Variants in DOCK1 observed in about 807,000 individuals in gnomAD.
DOCK1 encodes the protein dedicator of cytokinesis protein 1.
DOCK1 carries 138 observed loss-of-function variants against 262.7 expected under a neutral mutation model. The ratio of observed to expected loss-of-function variants is 0.53; its 90% CI spans 0.46 to 0.61. The LOEUF is 0.61. DOCK1 is among the 20% of genes least tolerant of loss of function. The pLI is 0.00. For missense variants in DOCK1, 1,908 were observed against 2,370.7 expected (o/e 0.80, Z 4.05); for synonymous variants, 866 against 867.4 (o/e 1.00, Z 0.03).
intron 1 of DOCK1, among the ~76,000 whole-genome samples, chr10:126,965,017 C>G (rs1376383156): frequency 6.6e-6 from 1 of 152,166 alleles, no homozygotes; most frequent in Non-Finnish European, 1.5e-5. Flanking sequence ...ATGGTTTTAG[C>G]TACTGTGGGA....
chr10:127,150,053 G>A (rs1446306201), intron 27 of DOCK1, among the ~76,000 whole-genome samples: 1 of 152,194 alleles, frequency 6.6e-6, no homozygotes, highest in East Asian at 1.9e-4. Flanking sequence ...TTGGCTGTAA[G>A]TTTGCATGGG....
intron 31 of DOCK1, among the ~76,000 whole-genome samples, chr10:127,347,832 G>GCCCTCCCTTCCCTTCCCTTCCCTTC (rs2063704528): frequency 1.7e-5 from 1 of 57,524 alleles, no homozygotes; most frequent in Non-Finnish European, 3.2e-5. Flanking sequence ...CAACCCCTCA[G>GCCCTCCCTTCCCTTCCCTTCCCTTC]CCTTCCCTTC....
intron 23 of DOCK1, among the ~76,000 whole-genome samples, chr10:127,086,345 C>T (rs1324132706): frequency 6.6e-6 from 1 of 152,012 alleles, no homozygotes; most frequent in Non-Finnish European, 1.5e-5. Context: ...GTAACCTTCT[C>T]TTTGAGTCCT....
chr10:127,041,408 C>T (rs1472100332), intron 19 of DOCK1, among the ~76,000 whole-genome samples: 1 of 152,156 alleles, frequency 6.6e-6, no homozygotes, highest in Non-Finnish European at 1.5e-5. Context: ...TGCTTTTATG[C>T]CTTTTTATGG....
chr10:127,127,687 G>A lies in DOCK1; in HGVS notation c.2770G>A (p.Val924Ile), dbSNP rs201486952. 418 of 1,612,516 alleles carry A rather than the reference G, an allele frequency of 2.6e-4. 2 individuals carry two copies. The Admixed American group carries it at 5.4e-3, about 21-fold the overall frequency. Reference protein sequence around the residue: ...RKDVGPTQRHVQIIMEKLLRT... With the variant: ...RKDVGPTQRHIQIIMEKLLRT... The stretch of plus-strand genomic sequence containing the variant: ...TCCCCAGGGGCCAACCCAGAGGCAC[G>A]TCCAGATTATCATGGAGAAACTTCT... Residue 924 changes from valine to isoleucine, a missense_variant, in exon 27 of 52, where the codon GTC becomes ATC. Around this residue, in one of 9 missense-constraint regions of DOCK1, gnomAD observed 518 missense variants for 575.1 expected, o/e 0.90. Transcript: ENST00000623213.
chr10:127,027,421 C>T (rs539525742), intron 16 of DOCK1, among the ~76,000 whole-genome samples: 2 of 152,178 alleles, frequency 1.3e-5, no homozygotes, highest in East Asian at 1.9e-4. Flanking sequence ...CAGTGAGACC[C>T]GATCTTTACT....
At position 127,081,259 on chromosome 10, in the gene DOCK1, TC is replaced by T. The variant is rs2046883871; in HGVS notation, c.2445+19484del. Among the ~76,000 whole-genome samples the T allele has an allele frequency of 3.3e-5, 5 of 152,172 alleles. No homozygotes were observed. The South Asian group carries it at 1.0e-3, about 32-fold the overall frequency. ...ATACCTGGTGCAGAGGCCACTTGTT[TC>T]TACAGGTTTGTCCTGGTGGTCTGTC... On this transcript the variant is annotated intron_variant, in intron 23 of 51. Transcript: ENST00000623213.
intron 1 of DOCK1, among the ~76,000 whole-genome samples, chr10:126,946,032 C>T (rs1257719375): frequency 2.0e-5 from 3 of 152,192 alleles, no homozygotes; most frequent in Admixed American, 2.0e-4. Context: ...ACTCACATAC[C>T]ATGCAGGGTA....
chr10:127,341,501 G>T (rs901293042), intron 30 of DOCK1, among the ~76,000 whole-genome samples: 12 of 152,194 alleles, frequency 7.9e-5, no homozygotes, highest in Non-Finnish European at 1.6e-4. Context: ...TAAGTTTATG[G>T]TATTTGAGGG....
At chr10:126,973,195 G>T (rs2038244240) in intron 2 of DOCK1, among the ~76,000 whole-genome samples, 1 of 150,726 alleles carries the variant, frequency 6.6e-6, no homozygotes, top group African/African-American at 2.4e-5. Context: ...CTGCATTTTT[G>T]TTCTTTGCTT....
chr10:127,301,154 G>A (rs973853690), intron 29 of DOCK1, among the ~76,000 whole-genome samples: 1 of 152,226 alleles, frequency 6.6e-6, no homozygotes, highest in African/African-American at 2.4e-5. Context: ...TCCAGTTACA[G>A]TGAGAACTGG....
At chr10:127,364,026 A>C (rs956726982) in intron 33 of DOCK1, among the ~76,000 whole-genome samples, 32 of 152,212 alleles carry the variant, frequency 2.1e-4, no homozygotes, top group Admixed American at 7.8e-4. Context: ...CTGGCACTAT[A>C]AAAGGTGGCT....
At chr10:127,124,789 A>T (rs2133067943) in intron 25 of DOCK1, among the ~76,000 whole-genome samples, 1 of 152,328 alleles carries the variant, frequency 6.6e-6, no homozygotes, top group South Asian at 2.1e-4. Context: ...GAAGGAAATC[A>T]TACTTTGGCT....
chr10:127,246,035 T>C (rs2059421030), intron 27 of DOCK1, among the ~76,000 whole-genome samples: 1 of 152,182 alleles, frequency 6.6e-6, no homozygotes, highest in African/African-American at 2.4e-5. Context: ...GGGTCAATTG[T>C]GGGCAGAGTA....
intron 38 of DOCK1, among the ~76,000 whole-genome samples, chr10:127,387,689 G>A (rs991538832): frequency 5.3e-5 from 8 of 152,094 alleles, no homozygotes; most frequent in Admixed American, 2.6e-4. Context: ...TCTAATGCTC[G>A]GAACAGTGCC....
At chr10:127,302,126 T>A (rs1185758471) in intron 29 of DOCK1, among the ~76,000 whole-genome samples, 1 of 120,848 alleles carries the variant, frequency 8.3e-6, no homozygotes, top group Non-Finnish European at 1.8e-5. Context: ...GGCCCGGAGC[T>A]TTTCCACAGC....
At chr10:126,952,157 G>A (rs1024451481) in intron 1 of DOCK1, among the ~76,000 whole-genome samples, 4 of 151,886 alleles carry the variant, frequency 2.6e-5, no homozygotes, top group East Asian at 1.9e-4. Context: ...CAGCCTCTTC[G>A]TTTATATAGG....
chr10:126,993,736 GTCC>G (rs2039974627), intron 6 of DOCK1, among the ~76,000 whole-genome samples: 1 of 152,138 alleles, frequency 6.6e-6, no homozygotes, highest in African/African-American at 2.4e-5. Context: ...GGCCCAGTTG[GTCC>G]TCCTGCTTCA....
intron 29 of DOCK1, among the ~76,000 whole-genome samples, chr10:127,302,390 G>C (rs540369320): frequency 1.3e-5 from 2 of 152,226 alleles, no homozygotes; most frequent in Admixed American, 1.3e-4. Context: ...GCCACTCCTG[G>C]GGCCAGGAGC....
Sources: allele counts gnomAD v4.1 joint callset (sites outside exome capture counted in the v4.1 genomes callset), GRCh38; gene constraint gnomAD v4.1.1; regional missense constraint gnomAD v4.1.1; transcripts MANE v1.5; gene names NCBI Gene and HGNC (gene_info 2026-07-23, HGNC 2026-07-21).